WNT5B: variants seen among roughly 807,000 people sequenced by gnomAD.
The protein encoded by WNT5B is Wnt family member 5B.
Under a neutral mutation model 36.5 loss-of-function variants are expected in WNT5B, and 18 were observed. The ratio of observed to expected loss-of-function variants is 0.49; its 90% CI spans 0.34 to 0.73. The LOEUF (loss-of-function observed/expected upper bound fraction) is 0.73. Among genes scored for constraint, WNT5B ranks in the 30% least tolerant of loss-of-function variants. WNT5B has a pLI of 0.01. For synonymous variants in WNT5B, 213 were observed against 212.3 expected (o/e 1.00, Z -0.03); for missense variants, 424 against 508.4 (o/e 0.83, Z 1.60).
Position 1,644,830 on chromosome 12 carries a change from T to C in WNT5B, c.622-964T>C, listed in dbSNP as rs1177129314. 6.6e-6 allele frequency: 1 copy of C among 152,270 alleles called. No homozygotes were observed. Among genetic ancestry groups the C allele is most frequent in the Non-Finnish European group, 1.5e-5 (1 of 68,042 alleles). The allele number at this position is 152,270 out of a possible 1,614,324, so 9.4% of individuals were successfully genotyped here. The stretch of plus-strand genomic sequence containing the variant: ...ATTTGGGATAACTCAAGTTCAAATC[T>C]ACTCCACGTTGTGGCGGTTCTGTGA... On this transcript the variant is annotated intron_variant, in intron 4 of 4. Transcript: ENST00000397196. This position sits in a 1 kb window ranked among gnomAD's most constrained non-coding sequence, Gnocchi z 5.1.
rs2094536427 is a variant in WNT5B, at chr12:1,623,191, T to TTTTTTTTG, written c.-58+6055_-58+6056insGTTTTTTT. Among the ~76,000 whole-genome samples the TTTTTTTTG allele has an allele frequency of 2.8e-5, 3 of 106,242 alleles. 1 individual carries two copies. The highest frequency in any genetic ancestry group is 5.8e-5 in the Non-Finnish European group (3 of 51,906). 69.7% of individuals were successfully genotyped at this position (106,242 alleles called of 152,430 possible). A position where few individuals can be genotyped will look rare whatever the true frequency, so the allele number is the denominator to read the frequency against. On this transcript the variant is annotated intron_variant, in intron 1 of 4. Coordinates refer to the WNT5B transcript ENST00000310594. ...ACCTTTGAAGGGTTTTTTGTTGTTTTTTTTTTTTTTTTTTTTTTTTTTGAG... is the reference window on the plus strand; with the variant it reads ...ACCTTTGAAGGGTTTTTTGTTGTTTTTTTTTTTGTTTTTTTTTTTTTTTTTTTTTTGAG...
intron 4 of WNT5B, among the ~76,000 whole-genome samples, chr12:1,640,868 G>A (rs1432455975): frequency 2.6e-5 from 4 of 152,226 alleles, no homozygotes; most frequent in African/African-American, 9.7e-5. Context: ...CATAGCCAGT[G>A]TTGACAGGGA....
At chr12:1,624,419 G>A, upstream of WNT5B, among the ~76,000 whole-genome samples, 1 of 149,544 alleles carries the variant, frequency 6.7e-6, no homozygotes, top group South Asian at 2.1e-4. Flanking sequence ...CAGAGAAGGT[G>A]TTATGCTCTA....
upstream of WNT5B, among the ~76,000 whole-genome samples, chr12:1,628,919 TTG>T (rs751402571): frequency 0.011 from 1,617 of 150,552 alleles, 24 homozygotes; most frequent in Middle Eastern, 0.045. Flanking sequence ...GGTGTGTGTG[TTG>T]TGTGTGTGTG....
intron 3 of WNT5B, among the ~76,000 whole-genome samples, chr12:1,639,403 G>T (rs1439557294): frequency 1.3e-5 from 2 of 151,244 alleles, no homozygotes; most frequent in Non-Finnish European, 2.9e-5. Flanking sequence ...CTCCCAAAGG[G>T]CTGGGATTAC....
At chr12:1,637,866 G>C (rs1248895894) in intron 3 of WNT5B, among the ~76,000 whole-genome samples, 1 of 151,994 alleles carries the variant, frequency 6.6e-6, no homozygotes, top group Non-Finnish European at 1.5e-5. Context: ...AAAAAATGCT[G>C]ACACAGAAAC....
chr12:1,622,052 C>G (rs2094534423), intron 1 of WNT5B, among the ~76,000 whole-genome samples: 1 of 151,944 alleles, frequency 6.6e-6, no homozygotes, highest in African/African-American at 2.4e-5. Flanking sequence ...CTTCAAGGCC[C>G]TACTCAAATC....
chr12:1,636,087 T>C (rs1350219679), intron 3 of WNT5B, among the ~76,000 whole-genome samples: 1 of 152,204 alleles, frequency 6.6e-6, no homozygotes, highest in Non-Finnish European at 1.5e-5. Context: ...GAGATCAGGA[T>C]TGAATCTGTT....
At chr12:1,640,972 A>G (rs976451689) in intron 4 of WNT5B, among the ~76,000 whole-genome samples, 2 of 152,198 alleles carry the variant, frequency 1.3e-5, no homozygotes, top group Non-Finnish European at 2.9e-5. Context: ...CTGGAAAAAG[A>G]GCTCTCAGGA....
chr12:1,628,948 C>T (rs541158632), upstream of WNT5B, among the ~76,000 whole-genome samples: 27 of 151,754 alleles, frequency 1.8e-4, no homozygotes, highest in Admixed American at 1.0e-3. Context: ...CGCGCGCGTG[C>T]ATATGTGTGT....
In WNT5B at chr12:1,633,052, GAGA is replaced by G; in HGVS notation, c.328+148_328+150del. The G allele has an allele frequency of 8.3e-7, 1 of 1,211,788 alleles. No individual in the cohort carries two copies. The highest frequency in any genetic ancestry group is 1.1e-6 in the Non-Finnish European group (1 of 891,560). 75.1% of individuals were successfully genotyped at this position (1,211,788 alleles called of 1,614,324 possible). On this transcript the variant is annotated intron_variant, in intron 3 of 4. Transcript: ENST00000397196. The surrounding 1 kb of genome is among the most constrained non-coding windows in gnomAD (Gnocchi z 4.8). Reference sequence around the variant, plus strand: ...GGCTTGGCAGCAGTGTGCACCACGAGAGAGGCACACGAGGAAGCAGGCTCTGGG... The same window carrying G: ...GGCTTGGCAGCAGTGTGCACCACGAGGGCACACGAGGAAGCAGGCTCTGGG...
chr12:1,629,651 A>G (rs2094546383), intron 1 of WNT5B, among the ~76,000 whole-genome samples: 1 of 151,986 alleles, frequency 6.6e-6, no homozygotes, highest in South Asian at 2.1e-4. Flanking sequence ...AAACGCTTTG[A>G]AGCTTTTCTC....
chr12:1,628,108 T>C (rs2094543699), upstream of WNT5B, among the ~76,000 whole-genome samples: 1 of 151,596 alleles, frequency 6.6e-6, no homozygotes, highest in Non-Finnish European at 1.5e-5. Flanking sequence ...CATCTTTCCC[T>C]CCCCACAGCC....
At chr12:1,620,602 G>A (rs1372818345) in intron 1 of WNT5B, among the ~76,000 whole-genome samples, 1 of 151,308 alleles carries the variant, frequency 6.6e-6, no homozygotes, top group African/African-American at 2.4e-5. Context: ...GCAATGGCGC[G>A]ACCTTGGCTT....
Position 1,630,160 on chromosome 12 carries a change from G to A in WNT5B, c.-58+789G>A. On this transcript the variant is annotated intron_variant, in intron 1 of 4. Transcript: ENST00000397196. The surrounding 1 kb of genome is among the most constrained non-coding windows in gnomAD (Gnocchi z 5.3). ...GAAGCACCCGCCGCCCCCTCCCGGG[G>A]AGCCTGGGGACGCCGACGCGCGAGA... 4.1e-6 allele frequency: 4 copies of A among 985,422 alleles called. No homozygotes were observed. The highest frequency in any genetic ancestry group is 4.8e-6 in the Non-Finnish European group (4 of 829,958). The allele number at this position is 985,422 out of a possible 1,614,324, so 61.0% of individuals were successfully genotyped here.
intron 1 of WNT5B, among the ~76,000 whole-genome samples, chr12:1,620,216 C>CT: frequency 6.6e-6 from 1 of 152,162 alleles, no homozygotes; most frequent in East Asian, 1.9e-4. Flanking sequence ...ATCACAGCCC[C>CT]CTCCCTTGGA....
Position 1,630,297 on chromosome 12 carries a change from G to T in WNT5B, c.-58+926G>T. The T allele has an allele frequency of 1.1e-6, 1 of 918,852 alleles. No individual in the cohort carries two copies. Among genetic ancestry groups the T allele is most frequent in the Non-Finnish European group, 1.3e-6 (1 of 769,104 alleles). 56.9% of individuals were successfully genotyped at this position (918,852 alleles called of 1,614,324 possible). On this transcript the variant is annotated intron_variant, in intron 1 of 4. Transcript: ENST00000397196. This position sits in a 1 kb window ranked among gnomAD's most constrained non-coding sequence, Gnocchi z 5.3. Reference sequence around the variant, plus strand: ...ACGGGGGCCCCGGAGGACCGCGGGGGAGCCGCAGGGGCCGTGTGTCCCGAG... The same window carrying T: ...ACGGGGGCCCCGGAGGACCGCGGGGTAGCCGCAGGGGCCGTGTGTCCCGAG...
At chr12:1,624,459 A>G (rs1225411620), upstream of WNT5B, among the ~76,000 whole-genome samples, 1 of 151,422 alleles carries the variant, frequency 6.6e-6, no homozygotes, top group East Asian at 1.9e-4. Flanking sequence ...TTTGGGGAAG[A>G]GTAGAAAGAT....
Position 1,645,901 on chromosome 12 carries a change from C to T in WNT5B, c.729C>T (p.Asp243=), listed in dbSNP as rs778553931. The T allele has an allele frequency of 6.2e-7, 1 of 1,611,296 alleles. No homozygotes were observed. Among genetic ancestry groups the T allele is most frequent in the Non-Finnish European group, 8.5e-7 (1 of 1,179,830 alleles). ...TGGCCGAGTTCCGCAAGGTCGGGGA[C>T]CGGCTGAAGGAGAAGTACGACAGCG... is the stretch of plus-strand genomic sequence containing the variant. ...LQLAEFRKVG[D]RLKEKYDSAA... The change falls in exon 5 of 5, where the codon GAC becomes GAT. Residue 243 remains aspartate, a synonymous_variant. Coordinates refer to ENST00000397196, the MANE Select transcript of WNT5B (RefSeq NM_032642.3).
Sources: allele counts gnomAD v4.1 joint callset (sites outside exome capture counted in the v4.1 genomes callset), GRCh38; gene constraint gnomAD v4.1.1; non-coding constraint Gnocchi (gnomAD v3.1); transcripts MANE v1.5; gene names NCBI Gene and HGNC (gene_info 2026-07-23, HGNC 2026-07-21).